The following MAPK10 variants were observed in gnomAD, a reference collection of about 807,000 sequenced individuals.
The protein encoded by MAPK10 is mitogen-activated protein kinase 10.
Under a neutral mutation model 59.3 loss-of-function variants are expected in MAPK10, and 25 were observed. The observed-to-expected ratio is 0.42, with a 90% CI of 0.31 to 0.59. The LOEUF (loss-of-function observed/expected upper bound fraction) is 0.59, where lower values mean the gene tolerates loss of function less well. Ranked by LOEUF, MAPK10 falls within the 20% of genes least tolerant of loss-of-function variation. MAPK10 has a pLI of 0.15. For missense variants in MAPK10, 351 were observed against 568.9 expected (o/e 0.62, Z 3.90); for synonymous variants, 190 against 200.5 (o/e 0.95, Z 0.44).
At chr4:86,108,086 G>A (rs779433678) in intron 4 of MAPK10, among the ~76,000 whole-genome samples, 3 of 151,930 alleles carry the variant, frequency 2.0e-5, no homozygotes, top group Non-Finnish European at 4.4e-5. Context: ...CAATAACAAA[G>A]CTCAAAATAA....
At chr4:86,465,747 G>A (rs1244493522) in intron 1 of MAPK10, among the ~76,000 whole-genome samples, 1 of 152,200 alleles carries the variant, frequency 6.6e-6, no homozygotes, top group Non-Finnish European at 1.5e-5. Flanking sequence ...TCATGAGCCA[G>A]ATGCCGAGGA....
intron 9 of MAPK10, chr4:86,089,432 G>A (rs1254635105): frequency 1.7e-6 from 1 of 575,802 alleles, no homozygotes; most frequent in Non-Finnish European, 3.1e-6. Flanking sequence ...TTTAAATGGT[G>A]GAAAGGGGAG....
At chr4:86,056,765 A>C (rs1434741000) in intron 11 of MAPK10, among the ~76,000 whole-genome samples, 7 of 149,606 alleles carry the variant, frequency 4.7e-5, no homozygotes, top group African/African-American at 1.8e-4. Context: ...GAATCTTTAA[A>C]ATATAAATTA....
At chr4:86,099,008 T>C (rs1046813582) in intron 8 of MAPK10, 1 of 166,050 alleles carries the variant, frequency 6.0e-6, no homozygotes, top group African/African-American at 2.4e-5. Flanking sequence ...TCATTTTCTA[T>C]TCTATTCAGT....
chr4:86,110,837 C>T (rs770665006), intron 4 of MAPK10, among the ~76,000 whole-genome samples: 44 of 152,246 alleles, frequency 2.9e-4, no homozygotes, highest in Non-Finnish European at 5.1e-4. Flanking sequence ...TGTCCATTTT[C>T]ACAATATTTG....
At chr4:86,370,899 T>C (rs1738658755) in intron 1 of MAPK10, 1 of 152,204 alleles carries the variant, frequency 6.6e-6, no homozygotes, top group South Asian at 2.1e-4. Flanking sequence ...AGTCTTCAGA[T>C]GACTCAATGA....
intron 1 of MAPK10, among the ~76,000 whole-genome samples, chr4:86,473,170 G>T (rs184135588): frequency 1.3e-5 from 2 of 152,054 alleles, no homozygotes; most frequent in African/African-American, 4.8e-5. Flanking sequence ...GTTCTATTTA[G>T]GACCTGCAAA....
At chr4:86,195,529 C>T (rs142567467) in intron 2 of MAPK10, among the ~76,000 whole-genome samples, 24 of 152,178 alleles carry the variant, frequency 1.6e-4, no homozygotes, top group African/African-American at 5.5e-4. Flanking sequence ...TGTCACAGGC[C>T]GTCTGCTGAT....
intron 2 of MAPK10, among the ~76,000 whole-genome samples, chr4:86,221,778 G>A (rs144381056): frequency 6.6e-5 from 10 of 152,222 alleles, no homozygotes; most frequent in African/African-American, 2.2e-4. Context: ...GCTTACAAGC[G>A]TAAGCCACTG....
At chr4:86,268,164 T>C (rs983760466) in intron 2 of MAPK10, 1 of 152,182 alleles carries the variant, frequency 6.6e-6, no homozygotes, top group South Asian at 2.1e-4. Context: ...TCTCTTTAAA[T>C]AGCCACATTA....
intron 9 of MAPK10, among the ~76,000 whole-genome samples, chr4:86,097,212 TGCTGAA>T (rs2054398372): frequency 6.6e-6 from 1 of 151,998 alleles, no homozygotes; most frequent in Admixed American, 6.6e-5. Flanking sequence ...TAATTTCAAG[TGCTGAA>T]TAACCACATG....
intron 9 of MAPK10, among the ~76,000 whole-genome samples, chr4:86,070,416 G>A (rs1416376315): frequency 2.0e-5 from 3 of 147,330 alleles, no homozygotes; most frequent in Non-Finnish European, 3.0e-5. Context: ...TATACTTTAA[G>A]TTTTAGGGTA....
Position 86,176,518 on chromosome 4 carries a change from A to G in MAPK10, c.67-17051T>C, listed in dbSNP as rs1646243178. On this transcript the variant is annotated intron_variant, in intron 3 of 13. Coordinates refer to ENST00000641462, the MANE Select transcript of MAPK10 (RefSeq NM_138982.4). The stretch of plus-strand genomic sequence containing the variant: ...CTTCAAGCAAATCAAGCACATTTTC[A>G]CAATGAACCAATACAGAAAAGTTAA... Among the ~76,000 whole-genome samples, 5 of 152,292 alleles carry G rather than the reference A, an allele frequency of 3.3e-5. No homozygotes were observed. In the South Asian group the frequency reaches 1.0e-3, roughly 32 times the overall value.
intron 1 of MAPK10, among the ~76,000 whole-genome samples, chr4:86,590,784 T>C (rs1182690258): frequency 1.3e-5 from 2 of 151,546 alleles, no homozygotes; most frequent in Non-Finnish European, 2.9e-5. Context: ...AGACCGTGTC[T>C]CAAAAAAAAA....
chr4:86,050,395 G>C (rs1196605747), intron 11 of MAPK10, among the ~76,000 whole-genome samples: 1 of 152,140 alleles, frequency 6.6e-6, no homozygotes, highest in Non-Finnish European at 1.5e-5. Flanking sequence ...TTAAGTGAAT[G>C]AATGTGGTGG....
chr4:86,270,742 T>C (rs2094408814), intron 2 of MAPK10, among the ~76,000 whole-genome samples: 1 of 152,104 alleles, frequency 6.6e-6, no homozygotes, highest in Non-Finnish European at 1.5e-5. Flanking sequence ...TAGTTTTACC[T>C]GTTCTTGCAT....
intron 2 of MAPK10, among the ~76,000 whole-genome samples, chr4:86,320,577 G>A (rs1367375545): frequency 1.3e-5 from 2 of 152,168 alleles, no homozygotes; most frequent in Admixed American, 6.6e-5. Flanking sequence ...AGATGAGTAG[G>A]TTGCGAAAAT....
intron 1 of MAPK10, among the ~76,000 whole-genome samples, chr4:86,509,065 G>A (rs1458745152): frequency 1.3e-5 from 2 of 151,792 alleles, no homozygotes; most frequent in Admixed American, 6.6e-5. Context: ...CTCTAAATCT[G>A]TTAACTTTTT....
upstream of MAPK10, among the ~76,000 whole-genome samples, chr4:86,362,439 A>C (rs1737167386): frequency 6.6e-6 from 1 of 151,908 alleles, no homozygotes; most frequent in Non-Finnish European, 1.5e-5. Flanking sequence ...AGACTTCATC[A>C]AAATTAAAAG....
Sources: gnomAD v4.1 joint callset for allele counts (sites outside exome capture counted in the v4.1 genomes callset) on GRCh38, gnomAD v4.1.1 for gene constraint, MANE v1.5 for transcripts, NCBI Gene and HGNC (gene_info 2026-07-23, HGNC 2026-07-21) for gene names.